AFF2: variants seen among roughly 807,000 people sequenced by gnomAD.
AFF2 encodes the protein AF4/FMR2 family member 2.
AFF2 carries 14 observed loss-of-function variants against 76.9 expected under a neutral mutation model. The ratio of observed to expected loss-of-function variants is 0.18; its 90% CI spans 0.12 to 0.28. The LOEUF is 0.28. Ranked by LOEUF, AFF2 falls within the 10% of genes least tolerant of loss-of-function variation. AFF2 has a pLI of 1.00. For missense variants in AFF2, 868 were observed against 1,001.1 expected, an observed-to-expected ratio of 0.87 and a Z score of 1.79; for synonymous variants, 398 against 366.7, an observed-to-expected ratio of 1.09 and a Z score of -0.98.
At position 148,662,201 on chromosome X, in the gene AFF2, G is replaced by A. The variant is rs1199642046; in HGVS notation, c.474G>A (p.Glu158=). ...ACAGCAACAGAAAATCAAAACCTGA[G>A]TGGTCACGTGATAGTCATAACCCTA... ...LIHSNRKSKP[E]WSRDSHNPST... The change falls in exon 3 of 21, where the codon GAG becomes GAA. Residue 158 remains glutamate (E), a synonymous_variant. Coordinates refer to ENST00000370460, the MANE Select transcript of AFF2 (RefSeq NM_002025.4). 3 of 1,208,985 alleles carry A rather than the reference G, an allele frequency of 2.5e-6. No homozygotes were observed. The highest frequency in any genetic ancestry group is 3.4e-6 in the Non-Finnish European group (3 of 894,516).
rs12858959 is a variant in AFF2, at chrX:148,978,438, C to T, written c.3553C>T (p.Leu1185=). The T allele has an allele frequency of 3.4e-6, 4 of 1,172,746 alleles. No homozygotes were observed. Among genetic ancestry groups the T allele is most frequent in the Non-Finnish European group, 4.6e-6 (4 of 861,355 alleles). The change falls in exon 18 of 21, where the codon CTG becomes TTG. Residue 1185 remains leucine, a synonymous_variant. Coordinates refer to ENST00000370460, the MANE Select transcript of AFF2 (RefSeq NM_002025.4). ...KDHAMKYSRS[L]MEYFKQNASK... ...CCATGCTATGAAGTACTCCAGATCACTGATGGAATATTTTAAGGTAATGCT... is the reference window on the plus strand; with the variant it reads ...CCATGCTATGAAGTACTCCAGATCATTGATGGAATATTTTAAGGTAATGCT...
At chrX:148,872,698 C>A (rs2070992065) in intron 7 of AFF2, among the ~76,000 whole-genome samples, 1 of 111,976 alleles carries the variant, frequency 8.9e-6, no homozygotes, top group South Asian at 3.7e-4. Flanking sequence ...TTGTTTCTCA[C>A]GTAAGTGGTG....
Position 148,885,916 on chromosome X carries a change from C to A in AFF2, c.1290C>A (p.Ser430Arg). 1 of 1,210,255 alleles carries A rather than the reference C, an allele frequency of 8.3e-7. No homozygotes were observed. Among genetic ancestry groups the A allele is most frequent in the African/African-American group, 1.7e-5 (1 of 57,647 alleles). ...TGCTTGAGGATGACCTGAAGCTGAGCAGTGATGAAGATGACCTTGAGCCTG... is the reference window on the plus strand; with the variant it reads ...TGCTTGAGGATGACCTGAAGCTGAGAAGTGATGAAGATGACCTTGAGCCTG... ...KSMLEDDLKL[S>R]SDEDDLEPVK... The change falls in exon 8 of 21, where the codon AGC becomes AGA. Residue 430 changes from serine to arginine, a missense_variant. Transcript: ENST00000370460.
chrX:148,944,722 G>T (rs1487857530), intron 9 of AFF2, among the ~76,000 whole-genome samples: 7 of 110,152 alleles, frequency 6.4e-5, no homozygotes, highest in African/African-American at 2.3e-4. Context: ...GCCAACGTTG[G>T]CCAGTCTTAC....
At chrX:148,712,010 ATGCTG>A (rs2054972876) in intron 3 of AFF2, among the ~76,000 whole-genome samples, 1 of 111,210 alleles carries the variant, frequency 9.0e-6, no homozygotes, top group Non-Finnish European at 1.9e-5. Flanking sequence ...GCTCATCTCG[ATGCTG>A]TGCTACAGTC....
At chrX:148,967,208 A>AGTCCACC in intron 14 of AFF2, 129 bp downstream of exon 14, 1 of 962,958 alleles carries the variant, frequency 1.0e-6, no homozygotes, top group South Asian at 2.4e-5. Context: ...TACCCTTAAA[A>AGTCCACC]GTCCACCCCA....
At chrX:148,603,626 A>T (rs782622805) in intron 1 of AFF2, among the ~76,000 whole-genome samples, 4 of 110,676 alleles carry the variant, frequency 3.6e-5, no homozygotes, top group African/African-American at 9.8e-5. Context: ...CATTCAGGAT[A>T]CTTTCTCCAG....
intron 1 of AFF2, among the ~76,000 whole-genome samples, chrX:148,563,179 C>T (rs1174674987): frequency 9.0e-6 from 1 of 111,561 alleles, no homozygotes; most frequent in Non-Finnish European, 1.9e-5. Context: ...AGGATGGTAA[C>T]TTTATAGAGG....
chrX:148,550,770 A>G (rs1315575468), intron 1 of AFF2, among the ~76,000 whole-genome samples: 3 of 111,704 alleles, frequency 2.7e-5, no homozygotes, highest in African/African-American at 6.5e-5. Context: ...TATTGCGTTA[A>G]TGGTTATTAT....
rs151339705 is a variant in AFF2, at chrX:148,985,285, CTTTTTTTTTTTTTTTTTTTT to C, written c.3624-2067_3624-2048del. Among the ~76,000 whole-genome samples, 24 of 15,387 alleles carry C rather than the reference CTTTTTTTTTTTTTTTTTTTT, an allele frequency of 1.6e-3. 1 individual carries two copies. The highest frequency in any genetic ancestry group is 2.5e-3 in the Admixed American group (2 of 792). The allele number at this position is 15,387 out of a possible 115,157, so 13.4% of individuals were successfully genotyped here. ...ACAGGCATGAGCCCCTGTGCCTGGC[CTTTTTTTTTTTTTTTTTTTT>C]TTTTTTTTTTTTTTATGATACAGCC... is the stretch of plus-strand genomic sequence containing the variant. On this transcript the variant is annotated intron_variant, in intron 19 of 20. Transcript: ENST00000370460.
At chrX:148,682,585 G>C (rs1334131350) in intron 3 of AFF2, among the ~76,000 whole-genome samples, 2 of 106,476 alleles carry the variant, frequency 1.9e-5, no homozygotes, top group Non-Finnish European at 1.9e-5. Context: ...CAGGTGGATG[G>C]ATGGATGGAT....
At chrX:148,853,292 G>A (rs1483427577) in intron 7 of AFF2, among the ~76,000 whole-genome samples, 1 of 110,898 alleles carries the variant, frequency 9.0e-6, no homozygotes, top group East Asian at 2.8e-4. Flanking sequence ...CTCAATTTCT[G>A]GAGCAAGGAG....
chrX:148,736,118 T>C, intron 3 of AFF2, among the ~76,000 whole-genome samples: 1 of 112,313 alleles, frequency 8.9e-6, no homozygotes, highest in African/African-American at 3.2e-5. Context: ...TCTGTTTTCC[T>C]CTGGTTAGAT....
At chrX:148,533,607 T>C (rs2052753900) in intron 1 of AFF2, among the ~76,000 whole-genome samples, 1 of 111,993 alleles carries the variant, frequency 8.9e-6, no homozygotes, top group South Asian at 3.7e-4. Flanking sequence ...ATTTGTTTTA[T>C]GTTAGTTTCT....
At chrX:148,918,330 C>T (rs1018426763) in intron 9 of AFF2, among the ~76,000 whole-genome samples, 14 of 111,910 alleles carry the variant, frequency 1.3e-4, no homozygotes, top group Non-Finnish European at 1.9e-5. Flanking sequence ...GTGAGACTCG[C>T]GGTAGTTTTT....
intron 3 of AFF2, chrX:148,718,979 C>A: frequency 1.3e-6 from 1 of 783,888 alleles, no homozygotes; most frequent in Non-Finnish European, 1.7e-6. Context: ...AGGAAGCTAA[C>A]AAAACAGAGT....
At position 148,953,798 on chromosome X, in the gene AFF2, A is replaced by AAC. The variant is rs1320518499; in HGVS notation, c.1557+73_1557+74dup. 2.2e-3 allele frequency: 1,802 copies of AAC among 835,951 alleles called. 27 individuals are homozygous for AAC. In the African/African-American group the frequency reaches 0.03, roughly 14 times the overall value. The allele number at this position is 835,951 out of a possible 1,213,427, so 68.9% of individuals were successfully genotyped here. A position where few individuals can be genotyped will look rare whatever the true frequency, so the allele number is the denominator to read the frequency against. The stretch of plus-strand genomic sequence containing the variant: ...TGCCTGTCCCACAGGCAGCACCCTC[A>AAC]ACACACACACACACAGACACACACA... On this transcript the variant is annotated intron_variant, in intron 10 of 20. Coordinates refer to ENST00000370460, the MANE Select transcript of AFF2 (RefSeq NM_002025.4).
intron 20 of AFF2, 31 bp downstream of exon 20, chrX:148,987,588 A>G: frequency 8.7e-7 from 1 of 1,143,844 alleles, no homozygotes; most frequent in Non-Finnish European, 1.2e-6. Context: ...CATATAGCTC[A>G]CAGACCATGA....
At chrX:148,948,213 T>C (rs2071922998) in intron 9 of AFF2, among the ~76,000 whole-genome samples, 1 of 112,323 alleles carries the variant, frequency 8.9e-6, no homozygotes, top group Non-Finnish European at 1.9e-5. Context: ...GTAAAAAGTC[T>C]GACTTATAAA....
Sources: gnomAD v4.1 joint callset for allele counts (sites outside exome capture counted in the v4.1 genomes callset) on GRCh38, gnomAD v4.1.1 for gene constraint, MANE v1.5 for transcripts, NCBI Gene and HGNC (gene_info 2026-07-23, HGNC 2026-07-21) for gene names.